BRD10: variants seen among roughly 807,000 people sequenced by gnomAD.
BRD10 encodes bromodomain containing 10.
chr9:5,982,412 C>T, the BRD10 span, among the ~76,000 whole-genome samples: 1 of 152,104 alleles, frequency 6.6e-6, no homozygotes, highest in African/African-American at 2.4e-5. Flanking sequence ...ATTTAATCCA[C>T]AATGTGGCAG....
chr9:5,912,018 T>C, the BRD10 span, among the ~76,000 whole-genome samples: 1 of 152,248 alleles, frequency 6.6e-6, no homozygotes, highest in Non-Finnish European at 1.5e-5. Flanking sequence ...TTTCAATCTG[T>C]AAACATTGAA....
the BRD10 span, chr9:6,007,335 G>T: frequency 2.5e-6 from 4 of 1,613,664 alleles, no homozygotes; most frequent in Non-Finnish European, 3.4e-6. Context: ...TGATGCCCCC[G>T]TACTGGCCGC....
the BRD10 span, among the ~76,000 whole-genome samples, chr9:5,990,737 AG>A: frequency 7.9e-5 from 12 of 152,336 alleles, no homozygotes; most frequent in Middle Eastern, 3.4e-3. Context: ...GATATTACTC[AG>A]GGTTGGAAAG....
chr9:6,007,884 C>G, the BRD10 span: 1 of 1,368,432 alleles, frequency 7.3e-7, no homozygotes, highest in Non-Finnish European at 9.4e-7. Context: ...GGCCGCGGCG[C>G]GTAGCCCCCG....
chr9:5,948,500 A>AT, the BRD10 span, among the ~76,000 whole-genome samples: 2 of 151,906 alleles, frequency 1.3e-5, no homozygotes, highest in African/African-American at 4.8e-5. Context: ...CCCTGTAGAG[A>AT]TAAAAAAAAA....
At chr9:5,966,052 C>T in the BRD10 span, among the ~76,000 whole-genome samples, 2 of 152,186 alleles carry the variant, frequency 1.3e-5, no homozygotes, top group Admixed American at 1.3e-4. Context: ...TCTACCAGAT[C>T]CAAACATTTT....
chr9:5,957,162 G>C, the BRD10 span, among the ~76,000 whole-genome samples: 8 of 152,142 alleles, frequency 5.3e-5, no homozygotes, highest in Admixed American at 5.2e-4. Context: ...TTAGTAAAGT[G>C]GTCTGTATAA....
the BRD10 span, chr9:5,910,462 C>T: frequency 2.6e-5 from 4 of 152,228 alleles, no homozygotes; most frequent in African/African-American, 4.8e-5. Flanking sequence ...CCACTTCAAA[C>T]AAATAAATGA....
the BRD10 span, among the ~76,000 whole-genome samples, chr9:5,956,708 C>T: frequency 6.6e-6 from 1 of 152,258 alleles, no homozygotes; most frequent in Admixed American, 6.5e-5. Flanking sequence ...TTTTTACTTA[C>T]TCCATCTCAG....
At chr9:5,931,180 T>C in the BRD10 span, among the ~76,000 whole-genome samples, 1 of 152,162 alleles carries the variant, frequency 6.6e-6, no homozygotes, top group Non-Finnish European at 1.5e-5. Context: ...CTCTGGGCAG[T>C]ATGACTGCTG....
chr9:5,981,185 C>T, the BRD10 span, among the ~76,000 whole-genome samples: 1 of 152,152 alleles, frequency 6.6e-6, no homozygotes, highest in Admixed American at 6.5e-5. Flanking sequence ...ATGGAGAGAC[C>T]TGGGAGGTAA....
the BRD10 span, among the ~76,000 whole-genome samples, chr9:5,938,775 TTTG>T: frequency 6.6e-6 from 1 of 152,204 alleles, no homozygotes; most frequent in Non-Finnish European, 1.5e-5. Flanking sequence ...AGTTTTCAGT[TTTG>T]TTAACCATTA....
the BRD10 span, chr9:5,988,624 T>C: frequency 1.4e-5 from 14 of 1,015,890 alleles, no homozygotes; most frequent in South Asian, 2.0e-4. Context: ...AACTTAAGAA[T>C]CCCTTTTGCT....
the BRD10 span, chr9:5,898,270 A>T: frequency 6.6e-6 from 1 of 152,640 alleles, no homozygotes; most frequent in Admixed American, 6.5e-5. Context: ...GCTGGTCTCA[A>T]ACTCCTGGGC....
At chr9:5,918,853 G>C in the BRD10 span, among the ~76,000 whole-genome samples, 9 of 148,438 alleles carry the variant, frequency 6.1e-5, no homozygotes, top group African/African-American at 2.2e-4. Context: ...TGAAACACAA[G>C]ATTTAAGTGA....
At chr9:5,973,436 C>A in the BRD10 span, among the ~76,000 whole-genome samples, 2 of 152,172 alleles carry the variant, frequency 1.3e-5, no homozygotes, top group Admixed American at 1.3e-4. Context: ...CACTGCACTC[C>A]AGCCTGGGTG....
the BRD10 span, among the ~76,000 whole-genome samples, chr9:6,005,483 C>A: frequency 6.6e-6 from 1 of 152,184 alleles, no homozygotes; most frequent in Non-Finnish European, 1.5e-5. Context: ...CCAGCCTGGG[C>A]TACAGAGGGA....
chr9:5,943,570 TACAGAGTAA>T, the BRD10 span, among the ~76,000 whole-genome samples: 1 of 149,992 alleles, frequency 6.7e-6, no homozygotes, highest in Non-Finnish European at 1.5e-5. Flanking sequence ...ACCCTCTGGC[TACAGAGTAA>T]ATGACATTTA....
the BRD10 span, among the ~76,000 whole-genome samples, chr9:5,982,266 T>C: frequency 2.0e-5 from 3 of 152,214 alleles, no homozygotes; most frequent in Admixed American, 6.5e-5. Flanking sequence ...ATATAAAACA[T>C]ACATTTTCAG....
Sources: allele counts gnomAD v4.1 joint callset (sites outside exome capture counted in the v4.1 genomes callset), GRCh38; gene constraint gnomAD v4.1.1; transcripts MANE v1.5; gene names NCBI Gene and HGNC (gene_info 2026-07-23, HGNC 2026-07-21).